The following MMP26 variants were observed in gnomAD, a reference collection of about 807,000 sequenced individuals.
MMP26 encodes the protein matrix metalloproteinase-26.
Under a neutral mutation model 31.0 loss-of-function variants are expected in MMP26, and 33 were observed. The observed-to-expected ratio is 1.06, with a 90% confidence interval of 0.81 to 1.42. The LOEUF (loss-of-function observed/expected upper bound fraction) is 1.42. Ranked by LOEUF, MMP26 falls within the 40% of genes most tolerant of loss-of-function variation. MMP26 has a pLI of 0.00. For missense variants in MMP26, 347 were observed against 316.1 expected, an observed-to-expected ratio of 1.10 and a Z score of -0.74; for synonymous variants, 122 against 114.9, an observed-to-expected ratio of 1.06 and a Z score of -0.40.
intron 2 of MMP26, among the ~76,000 whole-genome samples, chr11:4,886,118 C>T (rs1850542878): frequency 6.6e-6 from 1 of 151,976 alleles, no homozygotes; most frequent in Admixed American, 6.6e-5. Flanking sequence ...TTAACACTTC[C>T]GTAACCCTTG....
chr11:4,816,918 G>A (rs1289294482), intron 2 of MMP26, among the ~76,000 whole-genome samples: 1 of 150,332 alleles, frequency 6.7e-6, no homozygotes, highest in African/African-American at 2.4e-5. Flanking sequence ...CACCATGTTA[G>A]CCAGGATGTT....
At chr11:4,837,618 T>C (rs193234249) in intron 2 of MMP26, among the ~76,000 whole-genome samples, 3 of 152,338 alleles carry the variant, frequency 2.0e-5, no homozygotes, top group East Asian at 3.9e-4. Context: ...CATTCATTTT[T>C]ACTATTAGCA....
At chr11:4,818,142 A>C (rs1849446580) in intron 2 of MMP26, among the ~76,000 whole-genome samples, 1 of 152,228 alleles carries the variant, frequency 6.6e-6, no homozygotes, top group African/African-American at 2.4e-5. Context: ...ATCAGCAAGT[A>C]GTTTGCTAAC....
intron 2 of MMP26, among the ~76,000 whole-genome samples, chr11:4,888,569 AT>A (rs1354641739): frequency 1.3e-5 from 2 of 151,966 alleles, no homozygotes; most frequent in African/African-American, 2.4e-5. Context: ...ACTTTTTCCT[AT>A]TTTTTACCAA....
rs73401083 is a variant in MMP26 at position 4,798,968 on chromosome 11, A to T, written c.-145+31627A>T. On this transcript the variant is annotated intron_variant, in intron 2 of 7. Transcript: ENST00000380390. Reference sequence around the variant, plus strand: ...CATGTTTGAAAACCACGAAAAGCTGATGTACCAGGAGCTGCCTTTAATACG... The same window carrying T: ...CATGTTTGAAAACCACGAAAAGCTGTTGTACCAGGAGCTGCCTTTAATACG... Among the ~76,000 whole-genome samples, 680 of 152,286 alleles carry T rather than the reference A, an allele frequency of 4.5e-3. 3 individuals carry two copies. The highest frequency in any genetic ancestry group is 0.015 in the African/African-American group (611 of 41,558).
intron 2 of MMP26, chr11:4,923,520 C>G: frequency 1.2e-6 from 2 of 1,614,092 alleles, no homozygotes; most frequent in Non-Finnish European, 1.7e-6. Context: ...AAGAGGTGTA[C>G]AACGCGGGGC....
intron 2 of MMP26, among the ~76,000 whole-genome samples, chr11:4,933,653 G>T (rs1454952979): frequency 6.7e-6 from 1 of 150,158 alleles, no homozygotes; most frequent in African/African-American, 2.5e-5. Context: ...TACATGTGCC[G>T]TGCTGGTGCG....
chr11:4,962,143 G>A (rs924801712), intron 2 of MMP26, among the ~76,000 whole-genome samples: 2 of 152,182 alleles, frequency 1.3e-5, no homozygotes, highest in African/African-American at 4.8e-5. Flanking sequence ...TGGAAGCAGC[G>A]GCAACTCAGT....
chr11:4,880,367 A>T (rs1850442492), intron 2 of MMP26, among the ~76,000 whole-genome samples: 1 of 151,970 alleles, frequency 6.6e-6, no homozygotes, highest in African/African-American at 2.4e-5. Context: ...TGGTAAGATA[A>T]GGAGAGGAAG....
In MMP26 at chr11:4,913,720, C is replaced by A. The variant is rs529549584; in HGVS notation, c.-144-74348C>A. On this transcript the variant is annotated intron_variant, in intron 2 of 7. Transcript: ENST00000380390. Reference sequence around the variant, plus strand: ...CTGACATTCTAGAGAATAAAAATGGCAACAAAAACAACACTTCAGATAATT... The same window carrying A: ...CTGACATTCTAGAGAATAAAAATGGAAACAAAAACAACACTTCAGATAATT... The A allele has an allele frequency of 2.6e-5, 4 of 152,224 alleles. No individual in the cohort carries two copies. In the South Asian group the frequency reaches 8.3e-4, roughly 32 times the overall value. 9.4% of individuals were successfully genotyped at this position (152,224 alleles called of 1,614,324 possible). A position where few individuals can be genotyped will look rare whatever the true frequency, so the allele number is the denominator to read the frequency against.
chr11:4,959,256 A>G (rs1405134513), intron 2 of MMP26, among the ~76,000 whole-genome samples: 1 of 151,768 alleles, frequency 6.6e-6, no homozygotes, highest in Non-Finnish European at 1.5e-5. Context: ...AAAAAAAAAA[A>G]AAAAAAAATC....
intron 1 of MMP26, among the ~76,000 whole-genome samples, chr11:4,724,949 G>C (rs573190756): frequency 6.6e-6 from 1 of 152,320 alleles, no homozygotes; most frequent in African/African-American, 2.4e-5. Flanking sequence ...AATCCCTATT[G>C]TTGGAGGTGG....
In MMP26 at chr11:4,848,926, C is replaced by T. The variant is rs143553379; in HGVS notation, c.-145+81585C>T. On this transcript the variant is annotated intron_variant, in intron 2 of 7. Transcript: ENST00000380390. ...GAGGCAGGGACAGTGTGAGCACCAG[C>T]AAGGGCGATGCCCAGCAGTGTGGGC... The T allele has an allele frequency of 9.9e-6, 16 of 1,613,810 alleles. No homozygotes were observed. The African/African-American group carries it at 2.1e-4, about 22-fold the overall frequency.
At chr11:4,827,805 A>G (rs1294413028) in intron 2 of MMP26, among the ~76,000 whole-genome samples, 1 of 151,746 alleles carries the variant, frequency 6.6e-6, no homozygotes, top group African/African-American at 2.4e-5. Context: ...TAGCCTTTCC[A>G]AGATGAGAGT....
intron 2 of MMP26, among the ~76,000 whole-genome samples, chr11:4,849,930 T>C (rs1849950802): frequency 6.6e-6 from 1 of 152,208 alleles, no homozygotes; most frequent in Non-Finnish European, 1.5e-5. Flanking sequence ...TGTGAAATGA[T>C]AAAGTCAGGG....
intron 2 of MMP26, among the ~76,000 whole-genome samples, chr11:4,925,495 A>G (rs1199099755): frequency 1.3e-5 from 2 of 152,064 alleles, no homozygotes; most frequent in Non-Finnish European, 2.9e-5. Context: ...TTAAAGAGAA[A>G]TTTCTGGGGA....
intron 2 of MMP26, among the ~76,000 whole-genome samples, chr11:4,834,679 T>C (rs1333469903): frequency 6.6e-6 from 1 of 152,218 alleles, no homozygotes; most frequent in Admixed American, 6.5e-5. Context: ...GAACAGGTCC[T>C]CTGGTTTCAG....
intron 1 of MMP26, among the ~76,000 whole-genome samples, chr11:4,707,365 T>TAAAAA (rs2133262031): frequency 6.6e-6 from 1 of 152,356 alleles, no homozygotes; most frequent in East Asian, 1.9e-4. Flanking sequence ...TGTCCCTTTT[T>TAAAAA]AAATTGAGTT....
chr11:4,745,347 G>T (rs924113613), intron 1 of MMP26, among the ~76,000 whole-genome samples: 1 of 152,176 alleles, frequency 6.6e-6, no homozygotes, highest in African/African-American at 2.4e-5. Context: ...GGTATACTTT[G>T]GAAATCTTAC....
Sources: allele counts gnomAD v4.1 joint callset (sites outside exome capture counted in the v4.1 genomes callset), GRCh38; gene constraint gnomAD v4.1.1; transcripts MANE v1.5; gene names NCBI Gene and HGNC (gene_info 2026-07-23, HGNC 2026-07-21).